MTREX: variants seen among roughly 807,000 people sequenced by gnomAD.
The protein encoded by MTREX is Mtr4 exosome RNA helicase, also known as exosome RNA helicase MTR4.
MTREX carries 76 observed loss-of-function variants against 135.4 expected under a neutral mutation model. The ratio of observed to expected loss-of-function variants is 0.56; its 90% CI spans 0.47 to 0.68. The LOEUF is 0.68. Among genes scored for constraint, MTREX ranks in the 30% least tolerant of loss-of-function variants. The probability of loss-of-function intolerance (pLI) is 0.00; values close to 1 mark genes in which losing one functional copy is unlikely to be tolerated. For missense variants in MTREX, 920 were observed against 1,262.1 expected (o/e 0.73, Z 4.11); for synonymous variants, 404 against 401.6 (o/e 1.01, Z -0.07).
intron 19 of MTREX, among the ~76,000 whole-genome samples, chr5:55,396,169 G>A (rs1579891890): frequency 6.6e-6 from 1 of 152,160 alleles, no homozygotes; most frequent in Non-Finnish European, 1.5e-5. Flanking sequence ...CTGTGAAAAT[G>A]TCAGTACCAT....
intron 16 of MTREX, among the ~76,000 whole-genome samples, chr5:55,372,238 CG>C (rs1210800253): frequency 6.6e-6 from 1 of 151,950 alleles, no homozygotes; most frequent in Non-Finnish European, 1.5e-5. Context: ...TGCCATAATG[CG>C]TGTTGTTACG....
At chr5:55,384,604 G>A (rs992200801) in intron 18 of MTREX, among the ~76,000 whole-genome samples, 1 of 152,074 alleles carries the variant, frequency 6.6e-6, no homozygotes, top group African/African-American at 2.4e-5. Flanking sequence ...ATATATTGTA[G>A]TAACTCTAGG....
At chr5:55,419,965 A>G (rs1751028057) in intron 25 of MTREX, among the ~76,000 whole-genome samples, 1 of 152,240 alleles carries the variant, frequency 6.6e-6, no homozygotes, top group African/African-American at 2.4e-5. Context: ...GTCTTTTAAA[A>G]GTATTCTTGC....
At chr5:55,419,195 A>G (rs1372760908) in intron 25 of MTREX, among the ~76,000 whole-genome samples, 1 of 152,216 alleles carries the variant, frequency 6.6e-6, no homozygotes, top group Non-Finnish European at 1.5e-5. Flanking sequence ...TGTAGCACAC[A>G]GTACAGTGTG....
At chr5:55,339,915 T>G in intron 5 of MTREX, 95 bp from the exon 6 acceptor site, 1 of 841,802 alleles carries the variant, frequency 1.2e-6, no homozygotes. Context: ...GATAAATAAT[T>G]AGGGAAAATT....
At chr5:55,308,228 C>G in intron 1 of MTREX, 81 bp downstream of exon 1, 1 of 1,450,066 alleles carries the variant, frequency 6.9e-7, no homozygotes. Flanking sequence ...AGGAAGAGCA[C>G]GAGAAAGTGA....
At chr5:55,413,021 G>A (rs541080524) in intron 23 of MTREX, among the ~76,000 whole-genome samples, 41 of 151,728 alleles carry the variant, frequency 2.7e-4, no homozygotes, top group Middle Eastern at 3.4e-3. Flanking sequence ...CAGATATGTC[G>A]CAACTAGCCT....
chr5:55,423,532 C>T (rs1012910853), intron 26 of MTREX: 1 of 152,750 alleles, frequency 6.5e-6, no homozygotes, highest in Admixed American at 6.5e-5. Flanking sequence ...GAAATGATTC[C>T]ATAGTTCCCA....
chr5:55,348,440 G>A (rs988156897), intron 11 of MTREX, among the ~76,000 whole-genome samples: 16 of 152,174 alleles, frequency 1.1e-4, no homozygotes, highest in African/African-American at 3.6e-4. Flanking sequence ...CACTGGCCAA[G>A]AATTGCAGTG....
chr5:55,345,337 CTT>C (rs1749714035), intron 10 of MTREX, 141 bp downstream of exon 10: 1 of 639,354 alleles, frequency 1.6e-6, no homozygotes, highest in Non-Finnish European at 2.8e-6. Flanking sequence ...AAATATTTAT[CTT>C]TTTTGTATGA....
chr5:55,385,450 G>T (rs1310842186), intron 18 of MTREX, among the ~76,000 whole-genome samples: 1 of 152,134 alleles, frequency 6.6e-6, no homozygotes, highest in Admixed American at 6.5e-5. Flanking sequence ...AATGAGAAAT[G>T]TTGACATCCT....
intron 5 of MTREX, among the ~76,000 whole-genome samples, chr5:55,337,319 AT>A (rs1396809950): frequency 6.6e-6 from 1 of 151,380 alleles, no homozygotes; most frequent in Non-Finnish European, 1.5e-5. Context: ...TTTATTTTTA[AT>A]TTATTTTTTG....
chr5:55,343,543 G>A, intron 8 of MTREX, 88 bp downstream of exon 8: 1 of 1,162,836 alleles, frequency 8.6e-7, no homozygotes, highest in Non-Finnish European at 1.2e-6. Flanking sequence ...TTCTCCTGAT[G>A]TTGTCCAGAA....
intron 5 of MTREX, among the ~76,000 whole-genome samples, chr5:55,338,008 A>G (rs1226246938): frequency 6.6e-6 from 1 of 152,126 alleles, no homozygotes; most frequent in Non-Finnish European, 1.5e-5. Flanking sequence ...TCATTTTTGT[A>G]CTATTTAATA....
chr5:55,370,411 T>C (rs992361446), intron 16 of MTREX, among the ~76,000 whole-genome samples: 20 of 152,180 alleles, frequency 1.3e-4, no homozygotes, highest in African/African-American at 4.6e-4. Flanking sequence ...TCCCCAGCTT[T>C]TGTGTTTTGT....
At position 55,345,204 on chromosome 5, in the gene MTREX, GGA is replaced by G; in HGVS notation, c.1108+9_1108+10del. ...GGAAAGGAGGAACAAAAGGTAATTT[GGA>G]ACTTTGCTTTGAGAGAATTTTACAT... On this transcript the variant is annotated intron_variant, in intron 10 of 26. Coordinates refer to ENST00000230640, the MANE Select transcript of MTREX (RefSeq NM_015360.5). 2 of 1,560,910 alleles carry G rather than the reference GGA, an allele frequency of 1.3e-6. No individual in the cohort carries two copies. Among genetic ancestry groups the G allele is most frequent in the Non-Finnish European group, 1.8e-6 (2 of 1,134,162 alleles).
At chr5:55,337,355 G>T (rs113815759) in intron 5 of MTREX, among the ~76,000 whole-genome samples, 1 of 151,880 alleles carries the variant, frequency 6.6e-6, no homozygotes, top group Non-Finnish European at 1.5e-5. Context: ...GTGTTGCCCA[G>T]ACTGGTCTTG....
chr5:55,411,150 C>G (rs1750879527), intron 23 of MTREX, among the ~76,000 whole-genome samples: 1 of 152,060 alleles, frequency 6.6e-6, no homozygotes, highest in Non-Finnish European at 1.5e-5. Context: ...AGTTCACTTT[C>G]AACAGTTCTT....
chr5:55,424,763 C>T lies in MTREX; in HGVS notation c.3120C>T (p.Leu1040=), dbSNP rs200078537. Residue 1040 remains leucine (L), a synonymous_variant, in exon 27 of 27, where the codon CTC becomes CTT. Transcript: ENST00000230640. ...GAGATATTGTGTTTGCTGCCAGCCTCTACTTGTAGAGTCAGCTAAAGGAAT... is the reference window on the plus strand; with the variant it reads ...GAGATATTGTGTTTGCTGCCAGCCTTTACTTGTAGAGTCAGCTAAAGGAAT... ...IKRDIVFAAS[L]YL 4.7e-4 allele frequency: 762 copies of T among 1,610,800 alleles called. 12 individuals carry two copies. In the South Asian group the frequency reaches 6.8e-3, roughly 14 times the overall value.
Sources: gnomAD v4.1 joint callset for allele counts (sites outside exome capture counted in the v4.1 genomes callset) on GRCh38, gnomAD v4.1.1 for gene constraint, MANE v1.5 for transcripts, NCBI Gene and HGNC (gene_info 2026-07-23, HGNC 2026-07-21) for gene names.